The following ZMYM2 variants were observed in gnomAD, a reference collection of about 807,000 sequenced individuals.
The protein encoded by ZMYM2 is zinc finger MYM-type protein 2.
ZMYM2 carries 56 observed loss-of-function variants against 162.8 expected under a neutral mutation model. The ratio of observed to expected loss-of-function variants is 0.34; its 90% CI spans 0.28 to 0.43. The LOEUF is 0.43. Ranked by LOEUF, ZMYM2 falls within the 20% of genes least tolerant of loss-of-function variation. The pLI is 1.00. For missense variants in ZMYM2, 1,275 were observed against 1,621.8 expected, an observed-to-expected ratio of 0.79 and a Z score of 3.67; for synonymous variants, 510 against 541.6, an observed-to-expected ratio of 0.94 and a Z score of 0.81.
chr13:19,917,325 A>C, the ZMYM2 span, among the ~76,000 whole-genome samples: 4,419 of 152,140 alleles, frequency 0.029, 111 homozygotes, highest in East Asian at 0.088. Context: ...GCAGTGGCTC[A>C]CGCCTGTAAT....
In ZMYM2 at chr13:20,025,273, A is replaced by C. The variant is rs143585123; in HGVS notation, c.1585-1339A>C. 2.9e-4 allele frequency: 59 copies of C among 201,358 alleles called. No homozygotes were observed. In the East Asian group the frequency reaches 4.4e-3, roughly 15 times the overall value. 12.5% of individuals were successfully genotyped at this position (201,358 alleles called of 1,614,324 possible). Reference sequence around the variant, plus strand: ...ATTTAATTGCAACATGAGGTGGAAAATGGATACAATTATTTTGCAACGTGA... The same window carrying C: ...ATTTAATTGCAACATGAGGTGGAAACTGGATACAATTATTTTGCAACGTGA... On this transcript the variant is annotated intron_variant, in intron 7 of 24. Coordinates refer to ENST00000610343, the MANE Select transcript of ZMYM2 (RefSeq NM_197968.4).
In ZMYM2 at chr13:20,030,631, T is replaced by C. The variant is rs373789456; in HGVS notation, c.1852-688T>C. Among the ~76,000 whole-genome samples, 264 of 152,042 alleles carry C rather than the reference T, an allele frequency of 1.7e-3. 1 individual carries two copies. Among genetic ancestry groups the C allele is most frequent in the Admixed American group, 2.8e-3 (43 of 15,278 alleles). On this transcript the variant is annotated intron_variant, in intron 9 of 24. Transcript: ENST00000610343. ...GCCAGGATGGTCTCGATCTCCTGAC[T>C]TCGTGATCCGCCCGCCTTGGCCTCC...
intron 19 of ZMYM2, among the ~76,000 whole-genome samples, 199 bp downstream of exon 19, chr13:20,064,744 A>G (rs1018851298): frequency 6.6e-6 from 1 of 151,282 alleles, no homozygotes; most frequent in Non-Finnish European, 1.5e-5. Flanking sequence ...TTCTATTTGT[A>G]TAGAAATAGT....
chr13:19,942,200 G>A, the ZMYM2 span, among the ~76,000 whole-genome samples: 2 of 151,992 alleles, frequency 1.3e-5, no homozygotes, highest in African/African-American at 4.8e-5. Context: ...CAGCTTTATG[G>A]TCTAGAAAGT....
At chr13:19,947,201 G>C in the ZMYM2 span, among the ~76,000 whole-genome samples, 2 of 151,724 alleles carry the variant, frequency 1.3e-5, no homozygotes, top group Admixed American at 1.3e-4. Context: ...GCTGGGACTA[G>C]AGGTGCCCGC....
At chr13:20,030,113 T>TA (rs936901066) in intron 9 of ZMYM2, among the ~76,000 whole-genome samples, 27 of 151,098 alleles carry the variant, frequency 1.8e-4, no homozygotes, top group South Asian at 8.4e-4. Context: ...GTTTTAACTT[T>TA]AAAAAAAAAG....
At chr13:20,065,221 G>GA (rs755865438) in intron 19 of ZMYM2, among the ~76,000 whole-genome samples, 5 of 151,318 alleles carry the variant, frequency 3.3e-5, no homozygotes, top group African/African-American at 4.9e-5. Flanking sequence ...CCAAAAGAAA[G>GA]AAAAAAAACC....
chr13:20,041,930 T>A (rs1202953546), intron 12 of ZMYM2, among the ~76,000 whole-genome samples: 1 of 152,214 alleles, frequency 6.6e-6, no homozygotes, highest in Non-Finnish European at 1.5e-5. Context: ...GATCTGCTAT[T>A]AGTCCGATGA....
chr13:20,087,866 T>C lies in ZMYM2; in HGVS notation c.*1852T>C. The C allele has an allele frequency of 5.4e-6, 1 of 185,536 alleles. No individual in the cohort carries two copies. 11.5% of individuals were successfully genotyped at this position (185,536 alleles called of 1,614,324 possible). A position where few individuals can be genotyped will look rare whatever the true frequency, so the allele number is the denominator to read the frequency against. On this transcript the variant is annotated 3_prime_UTR_variant, in exon 25 of 25. Coordinates refer to ENST00000610343, the MANE Select transcript of ZMYM2 (RefSeq NM_197968.4). ...ATACAAAAATTTTCTCTAACTTACC[T>C]TTTTCCAGAACTACTTCTTTAAGCA...
At chr13:20,007,760 A>G (rs1950862809) in intron 6 of ZMYM2, among the ~76,000 whole-genome samples, 2 of 151,502 alleles carry the variant, frequency 1.3e-5, no homozygotes, top group Admixed American at 1.3e-4. Context: ...AGCTGGGATT[A>G]CAGGCGTGCA....
intron 21 of ZMYM2, among the ~76,000 whole-genome samples, chr13:20,074,813 C>T (rs1957372673): frequency 1.3e-5 from 2 of 152,176 alleles, no homozygotes; most frequent in South Asian, 4.1e-4. Context: ...GTTGGGATTA[C>T]AGGTGTGAGC....
chr13:19,893,412 T>C, the ZMYM2 span, among the ~76,000 whole-genome samples: 1 of 151,502 alleles, frequency 6.6e-6, no homozygotes, highest in Non-Finnish European at 1.5e-5. Context: ...GTCATTTGGG[T>C]TTATAACTTT....
At chr13:20,051,308 A>G (rs1416302406) in intron 12 of ZMYM2, 125 bp from the exon 13 acceptor site, 2 of 662,272 alleles carry the variant, frequency 3.0e-6, no homozygotes, top group Non-Finnish European at 4.3e-6. Flanking sequence ...CAAATGATTT[A>G]TATTATAGTT....
Position 20,031,308 on chromosome 13 carries a change from C to G in ZMYM2, c.1852-11C>G. On this transcript the variant is annotated splice_polypyrimidine_tract_variant and intron_variant, in intron 9 of 24. Transcript: ENST00000610343. The stretch of plus-strand genomic sequence containing the variant: ...CATGTCAGGCTTAGTATCTTTTGTT[C>G]TTTGTTTTAGGCTCTAAGTATGCAG... 6.3e-7 allele frequency: 1 copy of G among 1,583,728 alleles called. No individual in the cohort carries two copies. Among genetic ancestry groups the G allele is most frequent in the Non-Finnish European group, 8.6e-7 (1 of 1,164,098 alleles).
intron 11 of ZMYM2, 47 bp from the exon 12 acceptor site, chr13:20,036,690 T>C (rs1953736530): frequency 1.4e-6 from 2 of 1,398,598 alleles, no homozygotes; most frequent in Non-Finnish European, 1.9e-6. Flanking sequence ...CAATAATTAG[T>C]TTTCATGTGT....
intron 2 of ZMYM2, among the ~76,000 whole-genome samples, chr13:19,980,752 C>CAAAA (rs914320015): frequency 2.9e-4 from 9 of 31,214 alleles, no homozygotes; most frequent in East Asian, 1.8e-3. Flanking sequence ...GACTCCATCT[C>CAAAA]AAAAAAAAAA....
the ZMYM2 span, among the ~76,000 whole-genome samples, chr13:19,878,558 GTCA>G: frequency 1.8e-5 from 2 of 109,288 alleles, no homozygotes; most frequent in Non-Finnish European, 3.4e-5. Context: ...TTTCGCTCTT[GTCA>G]CTCAGGCTGG....
At chr13:19,926,526 A>G in the ZMYM2 span, among the ~76,000 whole-genome samples, 1 of 150,128 alleles carries the variant, frequency 6.7e-6, no homozygotes, top group Non-Finnish European at 1.5e-5. Flanking sequence ...CCCAAGCCCA[A>G]CTAATTTTTG....
At chr13:19,953,016 C>G in the ZMYM2 span, among the ~76,000 whole-genome samples, 1 of 152,150 alleles carries the variant, frequency 6.6e-6, no homozygotes, top group Non-Finnish European at 1.5e-5. Flanking sequence ...TCCCTTCTTG[C>G]TCTTACTCTC....
Sources: gnomAD v4.1 joint callset for allele counts (sites outside exome capture counted in the v4.1 genomes callset) on GRCh38, gnomAD v4.1.1 for gene constraint, MANE v1.5 for transcripts, NCBI Gene and HGNC (gene_info 2026-07-23, HGNC 2026-07-21) for gene names.